The following ZPLD1 variants were observed in gnomAD, a reference collection of about 807,000 sequenced individuals.
ZPLD1 encodes the protein zona pellucida-like domain-containing protein 1.
A neutral mutation model predicts 47.2 loss-of-function variants in ZPLD1; 34 were observed. The ratio of observed to expected loss-of-function variants is 0.72; its 90% CI spans 0.55 to 0.96. ZPLD1 has a LOEUF of 0.96. Among genes scored for constraint, ZPLD1 ranks in the 40% least tolerant of loss-of-function variants. ZPLD1 has a pLI of 0.00. For missense variants in ZPLD1, 512 were observed against 505.8 expected, an observed-to-expected ratio of 1.01 and a Z score of -0.12; for synonymous variants, 176 against 186.2, an observed-to-expected ratio of 0.95 and a Z score of 0.45.
chr3:102,411,332 G>A (rs886762701), intron 7 of ZPLD1, among the ~76,000 whole-genome samples: 2 of 151,602 alleles, frequency 1.3e-5, no homozygotes, highest in East Asian at 1.9e-4. Context: ...TACTTATTTG[G>A]GATTATTCAT....
intron 3 of ZPLD1, among the ~76,000 whole-genome samples, chr3:102,442,459 G>A (rs1385770315): frequency 6.6e-6 from 1 of 152,066 alleles, no homozygotes; most frequent in Non-Finnish European, 1.5e-5. Context: ...AGTCCCGGGA[G>A]AGACTTTATA....
chr3:102,434,893 C>G (rs1323692307), upstream of ZPLD1: 1 of 503,150 alleles, frequency 2.0e-6, no homozygotes, highest in Non-Finnish European at 3.6e-6. Context: ...GTTCTACATT[C>G]TGAAAAGAAA....
chr3:102,395,517 G>A (rs1046416042), intron 7 of ZPLD1, among the ~76,000 whole-genome samples: 2 of 152,124 alleles, frequency 1.3e-5, no homozygotes, highest in African/African-American at 2.4e-5. Context: ...GCTGGAAAAG[G>A]CAAGGAATGA....
At chr3:102,468,052 A>G (rs769283103) in intron 8 of ZPLD1, among the ~76,000 whole-genome samples, 3 of 152,178 alleles carry the variant, frequency 2.0e-5, no homozygotes, top group African/African-American at 7.2e-5. Context: ...GCAAATGACT[A>G]TAAGGTATGT....
At chr3:102,409,901 T>C (rs768741719) in intron 7 of ZPLD1, among the ~76,000 whole-genome samples, 3 of 151,742 alleles carry the variant, frequency 2.0e-5, no homozygotes, top group Non-Finnish European at 4.4e-5. Context: ...TCAGAAAGCA[T>C]AGGGGATAAT....
intron 8 of ZPLD1, among the ~76,000 whole-genome samples, chr3:102,420,767 G>T (rs116542085): frequency 0.024 from 3,611 of 151,746 alleles, 147 homozygotes; most frequent in African/African-American, 0.083. Context: ...AGAACATGAA[G>T]AAATATATTT....
intron 7 of ZPLD1, among the ~76,000 whole-genome samples, chr3:102,394,852 A>G (rs1157606774): frequency 1.3e-5 from 2 of 152,168 alleles, no homozygotes; most frequent in African/African-American, 4.8e-5. Context: ...CATCTGATAA[A>G]TTTTGATTTG....
intron 6 of ZPLD1, 121 bp downstream of exon 6, chr3:102,457,974 A>AT: frequency 1.2e-6 from 1 of 844,760 alleles, no homozygotes; most frequent in Non-Finnish European, 1.8e-6. Flanking sequence ...CCTTGGTAAC[A>AT]TTTATCTATT....
At chr3:102,448,570 A>G (rs1707292697) in intron 3 of ZPLD1, among the ~76,000 whole-genome samples, 1 of 152,226 alleles carries the variant, frequency 6.6e-6, no homozygotes, top group Admixed American at 6.5e-5. Context: ...AAGTCCTTAG[A>G]AAACTGGGTT....
intron 7 of ZPLD1, among the ~76,000 whole-genome samples, chr3:102,406,071 C>A (rs1219960113): frequency 1.3e-5 from 2 of 151,944 alleles, no homozygotes; most frequent in African/African-American, 4.8e-5. Context: ...CGCTTGCTTT[C>A]AAAATATATT....
At chr3:102,465,380 CT>C (rs1343929692) in intron 8 of ZPLD1, among the ~76,000 whole-genome samples, 2 of 152,154 alleles carry the variant, frequency 1.3e-5, no homozygotes, top group African/African-American at 4.8e-5. Flanking sequence ...TACCTTCTCC[CT>C]TTCTGTCCTA....
At chr3:102,476,915 TA>T (rs777641538) in intron 10 of ZPLD1, 96 bp from the exon 11 acceptor site, 1 of 1,416,786 alleles carries the variant, frequency 7.1e-7, no homozygotes, top group Non-Finnish European at 9.9e-7. Context: ...AGATAACAGG[TA>T]AAAATGTAGG....
chr3:102,398,900 A>C (rs983633227), intron 7 of ZPLD1, among the ~76,000 whole-genome samples: 1 of 152,134 alleles, frequency 6.6e-6, no homozygotes, highest in Admixed American at 6.5e-5. Context: ...ACACACACAC[A>C]CATATGCACG....
chr3:102,434,655 C>G (rs774790698), upstream of ZPLD1, among the ~76,000 whole-genome samples: 1 of 152,136 alleles, frequency 6.6e-6, no homozygotes, highest in Non-Finnish European at 1.5e-5. Context: ...ATCTTCAAGG[C>G]CATTATCATC....
chr3:102,394,104 T>G (rs1345801507), intron 7 of ZPLD1, among the ~76,000 whole-genome samples: 1 of 152,198 alleles, frequency 6.6e-6, no homozygotes, highest in Non-Finnish European at 1.5e-5. Context: ...AAGAATTGTG[T>G]TGTTTTCCAT....
chr3:102,399,720 T>C (rs1212182077), intron 7 of ZPLD1, among the ~76,000 whole-genome samples: 1 of 152,094 alleles, frequency 6.6e-6, no homozygotes, highest in Admixed American at 6.6e-5. Flanking sequence ...GGGAAATTGT[T>C]TTTAGGAACC....
chr3:102,441,092 C>A (rs545456242), intron 3 of ZPLD1, among the ~76,000 whole-genome samples: 2 of 151,946 alleles, frequency 1.3e-5, no homozygotes, highest in Non-Finnish European at 2.9e-5. Flanking sequence ...GAGTCGCTGG[C>A]GGCCTGGGAA....
intron 7 of ZPLD1, among the ~76,000 whole-genome samples, chr3:102,414,192 T>A (rs1706778437): frequency 6.6e-6 from 1 of 151,830 alleles, no homozygotes. Flanking sequence ...AACTACTGGG[T>A]TCAGGACAAA....
rs1049050898 is a variant in ZPLD1 at position 102,464,025 on chromosome 3, G to C, written c.681-146G>C. ...AGGTGGTGCCACTGCACTCCAGTCT[G>C]GGCAACGGAACAAGACTCCGTCTCA... is the stretch of plus-strand genomic sequence containing the variant. On this transcript the variant is annotated intron_variant, in intron 7 of 11. Transcript: ENST00000466937. 1.0e-5 allele frequency: 6 copies of C among 599,704 alleles called. No individual in the cohort carries two copies. In the Admixed American group the frequency reaches 1.7e-4, roughly 17 times the overall value. The allele number at this position is 599,704 out of a possible 1,614,324, so 37.1% of individuals were successfully genotyped here.
Sources: allele counts gnomAD v4.1 joint callset (sites outside exome capture counted in the v4.1 genomes callset), GRCh38; gene constraint gnomAD v4.1.1; transcripts MANE v1.5; gene names NCBI Gene and HGNC (gene_info 2026-07-23, HGNC 2026-07-21).